GLT6D1: variants seen among roughly 807,000 people sequenced by gnomAD.
The protein encoded by GLT6D1 is glycosyltransferase 6 domain containing 1.
Under a neutral mutation model 12.3 loss-of-function variants are expected in GLT6D1, and 9 were observed. The observed-to-expected ratio is 0.73, with a 90% CI of 0.44 to 1.27. The LOEUF is 1.27. GLT6D1 is among the 50% of genes most tolerant of loss of function. GLT6D1 has a pLI of 0.00. For missense variants in GLT6D1, 335 were observed against 346.2 expected (o/e 0.97, Z 0.26); for synonymous variants, 128 against 132.3 (o/e 0.97, Z 0.23).
upstream of GLT6D1, among the ~76,000 whole-genome samples, chr9:135,639,732 T>C (rs898399777): frequency 2.4e-4 from 37 of 152,324 alleles, no homozygotes; most frequent in Non-Finnish European, 3.1e-4. Context: ...CACCAGTGCC[T>C]GAGCTTGTGT....
chr9:135,631,564 T>C, intron 2 of GLT6D1, 86 bp from the exon 3 acceptor site: 3 of 1,031,852 alleles, frequency 2.9e-6, no homozygotes, highest in Non-Finnish European at 4.6e-6. Context: ...GTTTGGTGTT[T>C]CGTCAACATG....
intron 4 of GLT6D1, 87 bp downstream of exon 4, chr9:135,625,982 A>G: frequency 7.0e-7 from 1 of 1,432,122 alleles, no homozygotes; most frequent in Non-Finnish European, 9.6e-7. Flanking sequence ...ATGCTTAATT[A>G]TGGTTGGCTC....
Position 135,626,111 on chromosome 9 carries a change from C to T in GLT6D1, c.215G>A (p.Arg72Lys). ...GGCCAGGCCCACAGTGATATTCCGC[C>T]TTCTGTAATGTTTTTCCAGGACCCG... ...DRRVLEKHYR[R>K]RNITVGLAVF... Residue 72 changes from arginine (R) to lysine (K), a missense_variant, in exon 4 of 5, where the codon AGG becomes AAG. By Grantham distance (26) the Arg-to-Lys change is conservative. Coordinates refer to ENST00000371763, the MANE Select transcript of GLT6D1 (RefSeq NM_182974.3). The T allele has an allele frequency of 6.2e-7, 1 of 1,613,992 alleles. No homozygotes were observed. Among genetic ancestry groups the T allele is most frequent in the South Asian group, 1.1e-5 (1 of 91,068 alleles).
upstream of GLT6D1, among the ~76,000 whole-genome samples, chr9:135,640,047 A>G (rs537984244): frequency 1.3e-5 from 2 of 152,202 alleles, no homozygotes; most frequent in East Asian, 3.9e-4. Context: ...TGCTGACCTC[A>G]GGTGATCCGC....
intron 2 of GLT6D1, among the ~76,000 whole-genome samples, chr9:135,632,925 C>A (rs1833682028): frequency 6.6e-6 from 1 of 152,220 alleles, no homozygotes. Context: ...GCCTCAGCCT[C>A]CCAGAGTGCT....
At position 135,624,479 on chromosome 9, in the gene GLT6D1, T is replaced by A. The variant is rs112815437; in HGVS notation, c.449A>T (p.His150Leu). The change falls in exon 5 of 5, where the codon CAT (histidine) becomes CTT (leucine). Residue 150 changes from histidine (H) to leucine (L), a missense_variant. His to Leu is a moderately conservative substitution (Grantham distance 99). Transcript: ENST00000371763. ...GATGTGTTCACCCAGGCTCTTCACA[T>A]GCACCAGGGGGCCATCGAGCCACCA... ...ERWWLDGPLV[H>L]VKSLGEHIAS... The A allele has an allele frequency of 6.2e-7, 1 of 1,612,462 alleles. No homozygotes were observed. The highest frequency in any genetic ancestry group is 8.5e-7 in the Non-Finnish European group (1 of 1,179,454).
chr9:135,635,842 G>A (rs574760691), intron 2 of GLT6D1, among the ~76,000 whole-genome samples: 2 of 152,312 alleles, frequency 1.3e-5, no homozygotes, highest in African/African-American at 2.4e-5. Flanking sequence ...CCATTCCCAC[G>A]TGGATCACTG....
At chr9:135,635,159 A>C (rs1833744842) in intron 2 of GLT6D1, among the ~76,000 whole-genome samples, 1 of 152,066 alleles carries the variant, frequency 6.6e-6, no homozygotes, top group Non-Finnish European at 1.5e-5. Context: ...ATTCATTTAC[A>C]TCAGTATGAA....
At position 135,635,539 on chromosome 9, in the gene GLT6D1, G is replaced by T. The variant is rs560655508; in HGVS notation, c.71+3578C>A. Among the ~76,000 whole-genome samples, 7 of 152,274 alleles carry T rather than the reference G, an allele frequency of 4.6e-5. No homozygotes were observed. In the South Asian group the frequency reaches 1.5e-3, roughly 32 times the overall value. On this transcript the variant is annotated intron_variant, in intron 2 of 4. Coordinates refer to ENST00000371763, the MANE Select transcript of GLT6D1 (RefSeq NM_182974.3). Reference sequence around the variant, plus strand: ...AATGGTGCTAGAAACAAGATCTGTTGCTTTCCTGGAGAATGGTGCTAGAAA... The same window carrying T: ...AATGGTGCTAGAAACAAGATCTGTTTCTTTCCTGGAGAATGGTGCTAGAAA...
At chr9:135,632,025 A>T (rs1437769904) in intron 2 of GLT6D1, among the ~76,000 whole-genome samples, 3 of 151,716 alleles carry the variant, frequency 2.0e-5, no homozygotes, top group African/African-American at 2.4e-5. Context: ...GGCACAAGCT[A>T]CCTCCCTTTG....
Position 135,624,729 on chromosome 9 carries a change from T to C in GLT6D1, c.258-59A>G, listed in dbSNP as rs930381782. 6.2e-4 allele frequency: 352 copies of C among 568,742 alleles called. No individual in the cohort carries two copies. The East Asian group carries it at 0.011, about 18-fold the overall frequency. The allele number at this position is 568,742 out of a possible 1,614,324, so 35.2% of individuals were successfully genotyped here. On this transcript the variant is annotated intron_variant, in intron 4 of 4. Transcript: ENST00000371763. ...TTCTCTTTTTTCTTTTCTTTCTTTT[T>C]TTTTTTTTTTTTTTTTTTGAGATGG...
chr9:135,637,054 G>A (rs1197739819), intron 2 of GLT6D1, among the ~76,000 whole-genome samples: 4 of 151,934 alleles, frequency 2.6e-5, no homozygotes, highest in Admixed American at 2.6e-4. Flanking sequence ...GTTTCTCCAT[G>A]TTGGTCAGGC....
intron 3 of GLT6D1, among the ~76,000 whole-genome samples, chr9:135,631,230 G>A (rs1333235): frequency 0.49 from 74,416 of 152,040 alleles, 18,383 homozygotes; most frequent in East Asian, 0.61. Context: ...GGTAGAGAGC[G>A]TCTGCTTCTT....
rs371852008 is a variant in GLT6D1, at chr9:135,624,511, G to A, written c.417C>T (p.Thr139=). 85 of 1,613,880 alleles carry A rather than the reference G, an allele frequency of 5.3e-5. No individual in the cohort carries two copies. The highest frequency in any genetic ancestry group is 2.4e-4 in the African/African-American group (18 of 74,872). The change falls in exon 5 of 5, where the codon ACC becomes ACT. Residue 139 remains threonine (T), a synonymous_variant. Coordinates refer to ENST00000371763, the MANE Select transcript of GLT6D1 (RefSeq NM_182974.3). ...LRTFKAFKVG[T]ERWWLDGPLV... The stretch of plus-strand genomic sequence containing the variant: ...GGGGGCCATCGAGCCACCACCTCTC[G>A]GTGCCCACTTTAAATGCTTTGAACG...
chr9:135,634,119 T>C (rs1833711715), intron 2 of GLT6D1, among the ~76,000 whole-genome samples: 1 of 152,138 alleles, frequency 6.6e-6, no homozygotes, highest in Non-Finnish European at 1.5e-5. Context: ...ACCAAAGCAG[T>C]GGGGGTGGTC....
chr9:135,626,106 TCCGCC>T lies in GLT6D1; in HGVS notation c.215_219del (p.Arg72LysfsTer28). Reference sequence around the variant, plus strand: ...AAGACGGCCAGGCCCACAGTGATATTCCGCCTTCTGTAATGTTTTTCCAGGACCCG... The same window carrying T: ...AAGACGGCCAGGCCCACAGTGATATTTTCTGTAATGTTTTTCCAGGACCCG... On this transcript the variant is annotated frameshift_variant, in exon 4 of 5. Coordinates refer to ENST00000371763, the MANE Select transcript of GLT6D1 (RefSeq NM_182974.3). LOFTEE classifies it low-confidence loss of function (END_TRUNC). 2 of 1,614,068 alleles carry T rather than the reference TCCGCC, an allele frequency of 1.2e-6. No homozygotes were observed. Among genetic ancestry groups the T allele is most frequent in the Non-Finnish European group, 1.7e-6 (2 of 1,180,032 alleles).
At chr9:135,625,933 G>C in intron 4 of GLT6D1, 136 bp downstream of exon 4, 2 of 973,870 alleles carry the variant, frequency 2.1e-6, no homozygotes, top group Non-Finnish European at 3.0e-6. Flanking sequence ...AGGTAAGTTT[G>C]TTTCTCCCCA....
chr9:135,634,458 TTTTTTTG>T (rs1172715345), intron 2 of GLT6D1, among the ~76,000 whole-genome samples: 31 of 144,780 alleles, frequency 2.1e-4, no homozygotes, highest in African/African-American at 3.3e-4. Context: ...TTTTTTTTTT[TTTTTTTG>T]GCATGATTTA....
intron 2 of GLT6D1, among the ~76,000 whole-genome samples, chr9:135,633,084 A>T (rs1369834423): frequency 6.6e-6 from 1 of 152,168 alleles, no homozygotes; most frequent in African/African-American, 2.4e-5. Flanking sequence ...ACACATACGC[A>T]GACAGTGGTG....
Sources: gnomAD v4.1 joint callset for allele counts (sites outside exome capture counted in the v4.1 genomes callset) on GRCh38, gnomAD v4.1.1 for gene constraint, MANE v1.5 for transcripts, NCBI Gene and HGNC (gene_info 2026-07-23, HGNC 2026-07-21) for gene names.